ATP8A2: variants seen among roughly 807,000 people sequenced by gnomAD.
The protein encoded by ATP8A2 is ATPase phospholipid transporting 8A2, also known as phospholipid-transporting ATPase IB.
In ATP8A2, 100 loss-of-function variants were observed where a neutral mutation model predicts 165.6. That is an observed-to-expected ratio of 0.60 (90% CI 0.51 to 0.71). The LOEUF is 0.71. Among genes scored for constraint, ATP8A2 ranks in the 30% least tolerant of loss-of-function variants. The probability of loss-of-function intolerance (pLI) is 0.00; values close to 1 mark genes in which losing one functional copy is unlikely to be tolerated. For synonymous variants in ATP8A2, 543 were observed against 548.8 expected, an observed-to-expected ratio of 0.99 and a Z score of 0.15; for missense variants, 1,227 against 1,479.5, an observed-to-expected ratio of 0.83 and a Z score of 2.80.
intron 24 of ATP8A2, among the ~76,000 whole-genome samples, chr13:25,658,806 A>G (rs1223764194): frequency 2.0e-5 from 3 of 152,102 alleles, no homozygotes; most frequent in African/African-American, 4.8e-5. Context: ...CAAGAGCCCA[A>G]ATTCCCTCCT....
intron 1 of ATP8A2, among the ~76,000 whole-genome samples, chr13:25,452,858 G>C (rs1022650676): frequency 6.6e-6 from 1 of 152,050 alleles, no homozygotes. Context: ...ACTTTGGGAG[G>C]CTGAGGCAGG....
In ATP8A2 at chr13:25,611,532, T is replaced by C. The variant is rs140425370; in HGVS notation, c.2211+21833T>C. Among the ~76,000 whole-genome samples, 356 of 152,250 alleles carry C rather than the reference T, an allele frequency of 2.3e-3. 3 individuals are homozygous for C. The highest frequency in any genetic ancestry group is 3.7e-3 in the East Asian group (19 of 5,184). On this transcript the variant is annotated intron_variant, in intron 24 of 36. Coordinates refer to ENST00000381655, the MANE Select transcript of ATP8A2 (RefSeq NM_016529.6). ...GGTGTGTTAACTTTTTGATATGCTG[T>C]TGGATTTGGTTAGCTAGCATTTTGT...
chr13:25,935,770 T>G (rs1249624126), intron 33 of ATP8A2, among the ~76,000 whole-genome samples: 2 of 152,112 alleles, frequency 1.3e-5, no homozygotes, highest in African/African-American at 4.8e-5. Flanking sequence ...GACCCCACCT[T>G]CAACGTGGGG....
chr13:25,731,752 A>G (rs1279789380), intron 25 of ATP8A2, among the ~76,000 whole-genome samples: 5 of 152,238 alleles, frequency 3.3e-5, no homozygotes, highest in Non-Finnish European at 1.5e-5. Flanking sequence ...ACTCGCAGAA[A>G]TGAAGCACAT....
At chr13:25,408,209 G>A (rs1237413593) in intron 1 of ATP8A2, among the ~76,000 whole-genome samples, 3 of 152,064 alleles carry the variant, frequency 2.0e-5, no homozygotes, top group Non-Finnish European at 2.9e-5. Flanking sequence ...CCTGGCCAAC[G>A]TGGTGAAACC....
intron 16 of ATP8A2, among the ~76,000 whole-genome samples, 165 bp downstream of exon 16, chr13:25,564,196 T>C (rs1258349756): frequency 3.9e-5 from 6 of 152,234 alleles, no homozygotes; most frequent in African/African-American, 1.4e-4. Context: ...TGCTTTGTGG[T>C]GAACGCTATG....
chr13:25,578,378 A>G (rs1266300993), intron 20 of ATP8A2, among the ~76,000 whole-genome samples: 2 of 152,204 alleles, frequency 1.3e-5, no homozygotes, highest in African/African-American at 2.4e-5. Context: ...AACTGAGTTC[A>G]GCGCCCAATG....
intron 27 of ATP8A2, among the ~76,000 whole-genome samples, chr13:25,823,355 C>G (rs569884154): frequency 6.6e-6 from 1 of 152,098 alleles, no homozygotes; most frequent in East Asian, 1.9e-4. Context: ...TTTTCATGTT[C>G]ATTTGACATG....
chr13:25,616,937 C>T (rs939351528), intron 24 of ATP8A2, among the ~76,000 whole-genome samples: 1 of 151,920 alleles, frequency 6.6e-6, no homozygotes, highest in Non-Finnish European at 1.5e-5. Context: ...AGGATCTGGG[C>T]TAGAGGGTGG....
chr13:25,514,547 G>T lies in ATP8A2; in HGVS notation c.222-15452G>T, dbSNP rs529627465. ...TGTGGGTGCCCTGGGAATACTCCTG[G>T]CTGTGGGTGTAGCAGCCTGGCTGTG... On this transcript the variant is annotated intron_variant, in intron 2 of 36. Transcript: ENST00000381655. Among the ~76,000 whole-genome samples the T allele has an allele frequency of 4.0e-3, 604 of 152,262 alleles. 9 individuals are homozygous for T. The highest frequency in any genetic ancestry group is 4.6e-3 in the Non-Finnish European group (316 of 68,010).
At chr13:25,697,292 G>GTTC (rs1169389151) in intron 24 of ATP8A2, among the ~76,000 whole-genome samples, 1 of 151,984 alleles carries the variant, frequency 6.6e-6, no homozygotes, top group Non-Finnish European at 1.5e-5. Flanking sequence ...TGTTGTTGTT[G>GTTC]TTTTTGAGAC....
chr13:25,927,197 G>A (rs761844251), intron 33 of ATP8A2: 17 of 456,528 alleles, frequency 3.7e-5, no homozygotes, highest in Admixed American at 1.6e-4. Context: ...CCTGTGCCCC[G>A]GAGCCCCACT....
chr13:25,932,324 T>C (rs886767872), intron 33 of ATP8A2, among the ~76,000 whole-genome samples: 5 of 152,178 alleles, frequency 3.3e-5, no homozygotes, highest in Non-Finnish European at 7.4e-5. Context: ...GGGAGCATTT[T>C]GCTTGGGGAT....
In ATP8A2 at chr13:25,576,364, G is replaced by C. The variant is rs573525261; in HGVS notation, c.1713-705G>C. On this transcript the variant is annotated intron_variant, in intron 19 of 36. Coordinates refer to ENST00000381655, the MANE Select transcript of ATP8A2 (RefSeq NM_016529.6). Reference sequence around the variant, plus strand: ...TGTTGGCAAAGGAGGATCAGAATGTGTAGAAGAGGAGAATGGTGAGTCCCG... The same window carrying C: ...TGTTGGCAAAGGAGGATCAGAATGTCTAGAAGAGGAGAATGGTGAGTCCCG... Among the ~76,000 whole-genome samples, 143 of 152,318 alleles carry C rather than the reference G, an allele frequency of 9.4e-4. 1 individual carries two copies. The highest frequency in any genetic ancestry group is 2.7e-3 in the African/African-American group (112 of 41,570).
chr13:25,701,526 C>A lies in ATP8A2; in HGVS notation c.2384+2181C>A, dbSNP rs2042951196. Among the ~76,000 whole-genome samples the A allele has an allele frequency of 3.3e-5, 5 of 152,132 alleles. No homozygotes were observed. In the South Asian group the frequency reaches 1.0e-3, roughly 32 times the overall value. On this transcript the variant is annotated intron_variant, in intron 25 of 36. Transcript: ENST00000381655. ...CCCTGTTGATCAAGGGGTCATCCCC[C>A]TGACTCGCTGGTGGACAAAAACAAG...
intron 25 of ATP8A2, among the ~76,000 whole-genome samples, chr13:25,700,116 A>G (rs1055920765): frequency 2.6e-5 from 4 of 152,138 alleles, no homozygotes; most frequent in Non-Finnish European, 4.4e-5. Flanking sequence ...GTTTGAAACA[A>G]TGAGTGACAA....
intron 24 of ATP8A2, among the ~76,000 whole-genome samples, chr13:25,600,545 A>G (rs955390404): frequency 2.0e-5 from 3 of 152,196 alleles, no homozygotes; most frequent in Non-Finnish European, 4.4e-5. Flanking sequence ...AGCGAGCCCT[A>G]GAGAGGCTTC....
chr13:25,821,692 A>G (rs1183168957), intron 27 of ATP8A2, among the ~76,000 whole-genome samples: 1 of 152,182 alleles, frequency 6.6e-6, no homozygotes, highest in Non-Finnish European at 1.5e-5. Flanking sequence ...GGGTTTCTCA[A>G]CAGTGGCATT....
intron 25 of ATP8A2, among the ~76,000 whole-genome samples, chr13:25,707,385 C>T (rs2043074517): frequency 6.6e-6 from 1 of 152,026 alleles, no homozygotes. Context: ...GTTTTGATTC[C>T]CCTCTAACTA....
Sources: allele counts gnomAD v4.1 joint callset (sites outside exome capture counted in the v4.1 genomes callset), GRCh38; gene constraint gnomAD v4.1.1; transcripts MANE v1.5; gene names NCBI Gene and HGNC (gene_info 2026-07-23, HGNC 2026-07-21).